PTPRC: variants seen among roughly 807,000 people sequenced by gnomAD.
PTPRC encodes the protein receptor-type tyrosine-protein phosphatase C.
Under a neutral mutation model 155.9 loss-of-function variants are expected in PTPRC, and 44 were observed. The ratio of observed to expected loss-of-function variants is 0.28; its 90% CI spans 0.22 to 0.36. The LOEUF (loss-of-function observed/expected upper bound fraction) is 0.36, where lower values mean the gene tolerates loss of function less well. Among genes scored for constraint, PTPRC ranks in the 10% least tolerant of loss-of-function variants. PTPRC has a pLI of 1.00. For synonymous variants in PTPRC, 525 were observed against 533.1 expected, an observed-to-expected ratio of 0.98 and a Z score of 0.21; for missense variants, 1,401 against 1,564.6, an observed-to-expected ratio of 0.90 and a Z score of 1.76.
At chr1:198,657,772 C>T (rs1663679071) in intron 2 of PTPRC, 1 of 152,154 alleles carries the variant, frequency 6.6e-6, no homozygotes, top group Non-Finnish European at 1.5e-5. Context: ...TACAGCTGGC[C>T]TCTTTCCATT....
At chr1:198,675,265 C>T (rs1267319872) in intron 2 of PTPRC, among the ~76,000 whole-genome samples, 1 of 152,000 alleles carries the variant, frequency 6.6e-6, no homozygotes, top group Non-Finnish European at 1.5e-5. Context: ...GAGAAGCAAA[C>T]ATCTAAATTT....
At position 198,756,375 on chromosome 1, in the gene PTPRC, C is replaced by A; in HGVS notation, c.*194C>A. ...CCAGAACAGTTTGTACAGACGTATG[C>A]TTATTTTAAAATTTTATCTCTTATT... On this transcript the variant is annotated 3_prime_UTR_variant, in exon 33 of 33. Coordinates refer to ENST00000442510, the MANE Select transcript of PTPRC (RefSeq NM_002838.5). The A allele has an allele frequency of 1.4e-6, 1 of 720,718 alleles. No individual in the cohort carries two copies. Among genetic ancestry groups the A allele is most frequent in the Non-Finnish European group, 2.2e-6 (1 of 452,682 alleles). 44.6% of individuals were successfully genotyped at this position (720,718 alleles called of 1,614,324 possible).
At chr1:198,642,248 T>C (rs1056811167) in intron 2 of PTPRC, among the ~76,000 whole-genome samples, 3 of 152,060 alleles carry the variant, frequency 2.0e-5, no homozygotes, top group African/African-American at 4.8e-5. Context: ...AATTAACCAG[T>C]ATAGAAATAT....
At chr1:198,672,220 C>T (rs1664687553) in intron 2 of PTPRC, among the ~76,000 whole-genome samples, 1 of 152,072 alleles carries the variant, frequency 6.6e-6, no homozygotes, top group South Asian at 2.1e-4. Context: ...AAACAATACC[C>T]CTCTCCTGTC....
intron 2 of PTPRC, among the ~76,000 whole-genome samples, chr1:198,662,169 A>AAT (rs1643569493): frequency 6.6e-6 from 1 of 152,226 alleles, no homozygotes; most frequent in Non-Finnish European, 1.5e-5. Context: ...TATTAATAGT[A>AAT]ATATCAATAA....
At chr1:198,671,066 T>C (rs1293475660) in intron 2 of PTPRC, among the ~76,000 whole-genome samples, 92 of 152,270 alleles carry the variant, frequency 6.0e-4, no homozygotes, top group Non-Finnish European at 7.4e-5. Context: ...TTGTACCTTA[T>C]AAATACTCAT....
rs1242482279 is a variant in PTPRC at position 198,724,307 on chromosome 1, T to C, written c.1720+1831T>C. On this transcript the variant is annotated intron_variant, in intron 15 of 32. Transcript: ENST00000442510. ...CAGCTACTAGGGATGTGTTGTTGGG[T>C]TTCCCCGGCATAATATTCCACCACC... 5.3e-5 allele frequency among the ~76,000 whole-genome samples: 8 copies of C among 152,112 alleles called. No individual in the cohort carries two copies. The East Asian group carries it at 1.5e-3, about 29-fold the overall frequency.
At chr1:198,751,418 C>T (rs1571895413) in intron 29 of PTPRC, among the ~76,000 whole-genome samples, 1 of 151,978 alleles carries the variant, frequency 6.6e-6, no homozygotes, top group Non-Finnish European at 1.5e-5. Context: ...AGTGAATAAC[C>T]TTATAAGTAT....
chr1:198,732,581 TATACCTACA>T (rs1305549123), intron 20 of PTPRC, 25 bp downstream of exon 20: 1 of 1,505,354 alleles, frequency 6.6e-7, no homozygotes, highest in Non-Finnish European at 9.2e-7. Context: ...GCATTTTTCT[TATACCTACA>T]TATTTCATTC....
intron 15 of PTPRC, among the ~76,000 whole-genome samples, chr1:198,723,112 C>CATATATATATATATATATAT (rs3033891): frequency 6.9e-6 from 1 of 144,094 alleles, no homozygotes; most frequent in East Asian, 2.0e-4. Context: ...TAGTTTCCTT[C>CATATATATATATATATATAT]ATATATATAT....
chr1:198,667,026 C>T (rs1350947735), intron 2 of PTPRC: 1 of 152,180 alleles, frequency 6.6e-6, no homozygotes, highest in African/African-American at 2.4e-5. Context: ...TTTCTGACAC[C>T]CCATTCGATA....
At chr1:198,692,208 A>G in intron 2 of PTPRC, 139 bp from the exon 3 acceptor site, 1 of 511,034 alleles carries the variant, frequency 2.0e-6, no homozygotes, top group Non-Finnish European at 3.4e-6. Flanking sequence ...TAGTTTCATT[A>G]GGGTAAAAGC....
chr1:198,701,401 A>G (rs1161622962), intron 5 of PTPRC, among the ~76,000 whole-genome samples: 1 of 152,228 alleles, frequency 6.6e-6, no homozygotes, highest in African/African-American at 2.4e-5. Context: ...CTAATCTCAC[A>G]TCATTGAACT....
chr1:198,719,746 G>T (rs898492142), intron 14 of PTPRC, among the ~76,000 whole-genome samples: 1 of 151,912 alleles, frequency 6.6e-6, no homozygotes, highest in African/African-American at 2.4e-5. Flanking sequence ...GAGTAGCTGG[G>T]ATTACAGGCA....
chr1:198,689,353 C>T (rs80120393), intron 2 of PTPRC, among the ~76,000 whole-genome samples: 13,891 of 152,112 alleles, frequency 0.091, 841 homozygotes, highest in African/African-American at 0.16. Context: ...CATAGTGTCC[C>T]AGCATTTTTC....
At chr1:198,754,825 A>G (rs766984553) in intron 32 of PTPRC, among the ~76,000 whole-genome samples, 6 of 152,138 alleles carry the variant, frequency 3.9e-5, no homozygotes, top group Non-Finnish European at 7.4e-5. Flanking sequence ...AGGCTCAGGC[A>G]ATAGAGACCA....
At chr1:198,650,862 T>C (rs1270249196) in intron 2 of PTPRC, among the ~76,000 whole-genome samples, 1 of 151,808 alleles carries the variant, frequency 6.6e-6, no homozygotes, top group Non-Finnish European at 1.5e-5. Context: ...TGAAAAAAAG[T>C]AGAACTATAC....
At chr1:198,642,317 C>G (rs1662630711) in intron 2 of PTPRC, among the ~76,000 whole-genome samples, 1 of 151,918 alleles carries the variant, frequency 6.6e-6, no homozygotes, top group Non-Finnish European at 1.5e-5. Flanking sequence ...GATACTCACA[C>G]ATAAACTAGT....
chr1:198,649,935 C>T (rs1663152167), intron 2 of PTPRC, among the ~76,000 whole-genome samples: 2 of 151,758 alleles, frequency 1.3e-5, no homozygotes, highest in African/African-American at 4.8e-5. Context: ...TCTGGCCAGA[C>T]CCAGATTTAG....
Sources: gnomAD v4.1 joint callset for allele counts (sites outside exome capture counted in the v4.1 genomes callset) on GRCh38, gnomAD v4.1.1 for gene constraint, MANE v1.5 for transcripts, NCBI Gene and HGNC (gene_info 2026-07-23, HGNC 2026-07-21) for gene names.